SGCD: variants seen among roughly 807,000 people sequenced by gnomAD.
SGCD encodes delta-sarcoglycan.
Under a neutral mutation model 36.6 loss-of-function variants are expected in SGCD, and 18 were observed. That is an observed-to-expected ratio of 0.49 (90% CI 0.34 to 0.73). The LOEUF is 0.73. Ranked by LOEUF, SGCD falls within the 30% of genes least tolerant of loss-of-function variation. SGCD has a pLI of 0.01. For missense variants in SGCD, 387 were observed against 346.7 expected (o/e 1.12, Z -0.92); for synonymous variants, 133 against 130.6 (o/e 1.02, Z -0.12).
chr5:156,289,169 G>A (rs181214373), intron 3 of SGCD, among the ~76,000 whole-genome samples: 3 of 151,950 alleles, frequency 2.0e-5, no homozygotes, highest in Admixed American at 6.6e-5. Flanking sequence ...TGATCCCCTC[G>A]TGGATATTCA....
intron 1 of SGCD, among the ~76,000 whole-genome samples, chr5:156,033,805 A>T (rs1049902959): frequency 6.6e-6 from 1 of 152,204 alleles, no homozygotes; most frequent in East Asian, 1.9e-4. Flanking sequence ...AAAATAGACC[A>T]AAGACCCTGC....
intron 1 of SGCD, among the ~76,000 whole-genome samples, chr5:156,087,654 A>C (rs898069838): frequency 4.6e-5 from 7 of 151,898 alleles, no homozygotes; most frequent in Admixed American, 2.0e-4. Flanking sequence ...AAAAAAAAAA[A>C]AAAAAAACTA....
At chr5:156,182,743 C>T (rs764777486) in intron 3 of SGCD, among the ~76,000 whole-genome samples, 24 of 152,200 alleles carry the variant, frequency 1.6e-4, no homozygotes, top group Non-Finnish European at 2.5e-4. Flanking sequence ...TGTGACTTTG[C>T]AGTTTCTCCC....
intron 7 of SGCD, among the ~76,000 whole-genome samples, chr5:156,727,602 A>C (rs1402607036): frequency 6.6e-6 from 1 of 152,206 alleles, no homozygotes; most frequent in Admixed American, 6.5e-5. Flanking sequence ...AGTGTTTCCA[A>C]GTATATGCTA....
intron 7 of SGCD, among the ~76,000 whole-genome samples, chr5:156,706,635 G>A (rs1040614497): frequency 3.3e-5 from 5 of 152,084 alleles, no homozygotes; most frequent in African/African-American, 1.2e-4. Context: ...CCTGGGAAGA[G>A]GGTAGAGAAT....
At chr5:156,173,817 G>C (rs1763397936) in intron 3 of SGCD, among the ~76,000 whole-genome samples, 1 of 131,468 alleles carries the variant, frequency 7.6e-6, no homozygotes, top group African/African-American at 3.2e-5. Flanking sequence ...CCTTTTGATA[G>C]TAAATTAAAA....
the SGCD span, among the ~76,000 whole-genome samples, chr5:155,829,700 A>G: frequency 1.3e-5 from 2 of 152,202 alleles, no homozygotes; most frequent in African/African-American, 2.4e-5. Context: ...CAAAGTAGCA[A>G]TTTCTTTACG....
intron 3 of SGCD, among the ~76,000 whole-genome samples, chr5:156,228,569 G>A (rs1764915370): frequency 6.6e-6 from 1 of 152,122 alleles, no homozygotes; most frequent in South Asian, 2.1e-4. Context: ...GCAGCAGATA[G>A]TTGGCTGGTA....
intron 6 of SGCD, among the ~76,000 whole-genome samples, chr5:156,613,909 A>T (rs1761927322): frequency 6.6e-6 from 1 of 152,156 alleles, no homozygotes; most frequent in South Asian, 2.1e-4. Context: ...AATGCATTTG[A>T]TCCTCACAAC....
In SGCD at chr5:156,604,485, C is replaced by T. The variant is rs1420016569; in HGVS notation, c.502+9434C>T. 3.3e-5 allele frequency among the ~76,000 whole-genome samples: 5 copies of T among 151,774 alleles called. No homozygotes were observed. In the East Asian group the frequency reaches 5.8e-4, roughly 18 times the overall value. On this transcript the variant is annotated intron_variant, in intron 6 of 8. Coordinates refer to ENST00000337851, the MANE Select transcript of SGCD (RefSeq NM_000337.6). ...GCTAAGATTTGTTTTCTTTCTCTTT[C>T]TTGTTTATGTATCTGCTGTAATTTA...
intron 1 of SGCD, among the ~76,000 whole-genome samples, chr5:156,036,570 C>G (rs1759503267): frequency 6.6e-6 from 1 of 152,158 alleles, no homozygotes; most frequent in Admixed American, 6.6e-5. Flanking sequence ...AAGATGCTAC[C>G]TTTGGTTTCT....
chr5:156,724,471 G>A (rs962082014), intron 7 of SGCD, among the ~76,000 whole-genome samples: 15 of 152,114 alleles, frequency 9.9e-5, no homozygotes, highest in African/African-American at 3.4e-4. Flanking sequence ...GCTAGGCATG[G>A]TGGCGGGCAC....
intron 3 of SGCD, among the ~76,000 whole-genome samples, chr5:156,458,003 G>C (rs1351036814): frequency 5.3e-5 from 8 of 152,176 alleles, no homozygotes; most frequent in African/African-American, 1.9e-4. Flanking sequence ...CCCAGTCCCA[G>C]CCTACAAACC....
At chr5:156,555,417 C>T (rs148826572) in intron 4 of SGCD, among the ~76,000 whole-genome samples, 69 of 152,098 alleles carry the variant, frequency 4.5e-4, no homozygotes, top group Middle Eastern at 3.4e-3. Context: ...GGTAGAGGGC[C>T]GTATTTATTC....
At chr5:156,170,324 T>C (rs2127621829) in intron 3 of SGCD, among the ~76,000 whole-genome samples, 1 of 152,326 alleles carries the variant, frequency 6.6e-6, no homozygotes, top group African/African-American at 2.4e-5. Context: ...AGGAATGATA[T>C]TAATTATGGA....
At position 156,333,783 on chromosome 5, in the gene SGCD, ATTTTTTTTTTTTTTTTTT is replaced by A. The variant is rs70984404; in HGVS notation, c.3+4224_3+4241del. ...GTGCTTTCTTTATGTTAGAAAAGTG[ATTTTTTTTTTTTTTTTTT>A]TTTTTTTTTTTTTTTTTTTGCTATT... On this transcript the variant is annotated intron_variant, in intron 2 of 8. Coordinates refer to ENST00000337851, the MANE Select transcript of SGCD (RefSeq NM_000337.6). Among the ~76,000 whole-genome samples, 111 of 19,972 alleles carry A rather than the reference ATTTTTTTTTTTTTTTTTT, an allele frequency of 5.6e-3. 1 individual carries two copies. Among genetic ancestry groups the A allele is most frequent in the African/African-American group, 0.013 (66 of 5,236 alleles). 13.1% of individuals were successfully genotyped at this position (19,972 alleles called of 152,430 possible).
At chr5:155,761,820 C>A in the SGCD span, among the ~76,000 whole-genome samples, 2 of 152,002 alleles carry the variant, frequency 1.3e-5, no homozygotes, top group African/African-American at 4.8e-5. Context: ...ATCAACCTTT[C>A]CATCACCTTC....
At chr5:155,743,776 C>T in the SGCD span, among the ~76,000 whole-genome samples, 3 of 152,090 alleles carry the variant, frequency 2.0e-5, no homozygotes, top group Non-Finnish European at 4.4e-5. Flanking sequence ...TGGGAAGTGC[C>T]GAGCAAGGAG....
At chr5:156,241,069 C>G (rs2127656071) in intron 3 of SGCD, among the ~76,000 whole-genome samples, 1 of 152,260 alleles carries the variant, frequency 6.6e-6, no homozygotes, top group Middle Eastern at 3.4e-3. Context: ...AGGGCATACA[C>G]TGAAAGATCT....
Sources: allele counts gnomAD v4.1 joint callset (sites outside exome capture counted in the v4.1 genomes callset), GRCh38; gene constraint gnomAD v4.1.1; transcripts MANE v1.5; gene names NCBI Gene and HGNC (gene_info 2026-07-23, HGNC 2026-07-21).